The following CEP83 variants were observed in gnomAD, a reference collection of about 807,000 sequenced individuals.
The protein encoded by CEP83 is centrosomal protein 83, also known as centrosomal protein of 83 kDa.
In CEP83, 70 loss-of-function variants were observed where a neutral mutation model predicts 101.9. That is an observed-to-expected ratio of 0.69 (90% CI 0.57 to 0.84). The LOEUF (loss-of-function observed/expected upper bound fraction) is 0.84, where lower values mean the gene tolerates loss of function less well. CEP83 is among the 40% of genes least tolerant of loss of function. The pLI is 0.00. For synonymous variants in CEP83, 264 were observed against 267.9 expected, an observed-to-expected ratio of 0.99 and a Z score of 0.14; for missense variants, 715 against 787.2, an observed-to-expected ratio of 0.91 and a Z score of 1.10.
At chr12:94,358,531 G>A (rs929043895) in intron 11 of CEP83, among the ~76,000 whole-genome samples, 2 of 152,168 alleles carry the variant, frequency 1.3e-5, no homozygotes, top group African/African-American at 4.8e-5. Flanking sequence ...GAAACTGGAG[G>A]CTTTAGAGAA....
rs76246188 is a variant in CEP83 at position 94,401,926 on chromosome 12, A to G, written c.418-945T>C. On this transcript the variant is annotated intron_variant, in intron 5 of 16. Coordinates refer to ENST00000397809, the MANE Select transcript of CEP83 (RefSeq NM_016122.3). ...GTAAGCCATTATAAAAGACGATTCTACAACTGTTTTGGGCAATTACCGCAT... is the reference window on the plus strand; with the variant it reads ...GTAAGCCATTATAAAAGACGATTCTGCAACTGTTTTGGGCAATTACCGCAT... Among the ~76,000 whole-genome samples the G allele has an allele frequency of 8.0e-3, 1,221 of 152,298 alleles. 14 individuals are homozygous for G. Among genetic ancestry groups the G allele is most frequent in the African/African-American group, 0.027 (1,141 of 41,568 alleles).
chr12:94,287,837 C>A, the CEP83 span, among the ~76,000 whole-genome samples: 1 of 152,296 alleles, frequency 6.6e-6, no homozygotes, highest in South Asian at 2.1e-4. Context: ...ACGTATAATG[C>A]TTCTTGTGTA....
chr12:94,444,333 G>A (rs548692999), intron 1 of CEP83, among the ~76,000 whole-genome samples: 2 of 152,290 alleles, frequency 1.3e-5, no homozygotes, highest in South Asian at 4.2e-4. Flanking sequence ...GGGATGCAGA[G>A]GTTCCAGTGA....
chr12:94,450,607 A>C (rs1469987026), intron 1 of CEP83, among the ~76,000 whole-genome samples: 1 of 152,208 alleles, frequency 6.6e-6, no homozygotes, highest in Non-Finnish European at 1.5e-5. Flanking sequence ...TGAAAACTCC[A>C]TTTCCAAGAG....
Position 94,333,045 on chromosome 12 carries a change from CAAAAAAAAAA to C in CEP83, c.1577+427_1577+436del, listed in dbSNP as rs34900007. ...GTCTACTAGTAACAAATTTTAAGACCAAAAAAAAAAAAAAAAAAAACAAATAAATTAGCTT... is the reference window on the plus strand; with the variant it reads ...GTCTACTAGTAACAAATTTTAAGACCAAAAAAAAAACAAATAAATTAGCTT... On this transcript the variant is annotated intron_variant, in intron 13 of 16. Transcript: ENST00000397809. Among the ~76,000 whole-genome samples the C allele has an allele frequency of 1.1e-3, 81 of 73,172 alleles. 1 individual carries two copies. The South Asian group carries it at 0.023, about 20-fold the overall frequency. The allele number at this position is 73,172 out of a possible 152,430, so 48.0% of individuals were successfully genotyped here.
At chr12:94,348,955 G>C (rs182368350) in intron 11 of CEP83, among the ~76,000 whole-genome samples, 3 of 148,210 alleles carry the variant, frequency 2.0e-5, no homozygotes, top group Admixed American at 6.9e-5. Flanking sequence ...CAGGGAAAAT[G>C]CTTCCACAAC....
chr12:94,322,927 A>G (rs982257451), intron 14 of CEP83, among the ~76,000 whole-genome samples: 1 of 152,180 alleles, frequency 6.6e-6, no homozygotes. Context: ...TCCCCCACCC[A>G]TTGAAAAGCA....
At chr12:94,277,332 A>G in the CEP83 span, 98,367 of 152,646 alleles carry the variant, frequency 0.64, 31,803 homozygotes, top group African/African-American at 0.7. Context: ...CTTGGGGGTT[A>G]GGATTTCAAT....
At chr12:94,437,020 C>T (rs1187293451) in intron 1 of CEP83, among the ~76,000 whole-genome samples, 1 of 151,756 alleles carries the variant, frequency 6.6e-6, no homozygotes, top group Non-Finnish European at 1.5e-5. Flanking sequence ...GGAAAACTTC[C>T]CCGGTTTTGA....
At chr12:94,453,118 T>C (rs971334796) in intron 1 of CEP83, among the ~76,000 whole-genome samples, 4 of 152,208 alleles carry the variant, frequency 2.6e-5, no homozygotes, top group Admixed American at 2.6e-4. Context: ...GTGCATTCTT[T>C]CTTTGGTTTC....
At chr12:94,401,596 A>C (rs1307402983) in intron 5 of CEP83, among the ~76,000 whole-genome samples, 2 of 152,174 alleles carry the variant, frequency 1.3e-5, no homozygotes, top group East Asian at 1.9e-4. Flanking sequence ...AACTCAGGCC[A>C]CAAAGCAGAA....
chr12:94,297,270 G>T, the CEP83 span: 1 of 1,613,174 alleles, frequency 6.2e-7, no homozygotes, highest in African/African-American at 1.3e-5. Context: ...GCCTTCTGTA[G>T]CAAGAGTGGT....
Position 94,424,827 on chromosome 12 carries a change from T to G in CEP83, c.-102+10448A>C. The G allele has an allele frequency of 1.9e-6, 3 of 1,600,186 alleles. No individual in the cohort carries two copies. In the South Asian group the frequency reaches 3.3e-5, roughly 18 times the overall value. ...GTTTTGCTCAGCTGGTCATTTCCAT[T>G]GCTTCCACTACTGCTGTTAGGTGTA... is the stretch of plus-strand genomic sequence containing the variant. On this transcript the variant is annotated intron_variant, in intron 2 of 16. Coordinates refer to ENST00000397809, the MANE Select transcript of CEP83 (RefSeq NM_016122.3).
At position 94,324,978 on chromosome 12, in the gene CEP83, T is replaced by C. The variant is rs1490359371; in HGVS notation, c.1707+6722A>G. The stretch of plus-strand genomic sequence containing the variant: ...TTCTATTCTAGCTCCCTGGGCCTCC[T>C]GTGTTCCCTCAACATACCAAGCAGA... On this transcript the variant is annotated intron_variant, in intron 14 of 16. Coordinates refer to ENST00000397809, the MANE Select transcript of CEP83 (RefSeq NM_016122.3). 2.0e-5 allele frequency among the ~76,000 whole-genome samples: 3 copies of C among 152,212 alleles called. No homozygotes were observed. The East Asian group carries it at 5.8e-4, about 29-fold the overall frequency.
intron 6 of CEP83, among the ~76,000 whole-genome samples, chr12:94,381,042 CA>C (rs1341667922): frequency 6.6e-6 from 1 of 152,150 alleles, no homozygotes; most frequent in Non-Finnish European, 1.5e-5. Context: ...ATTCAGGCAA[CA>C]AATATTTACT....
chr12:94,401,292 A>G (rs928719937), intron 5 of CEP83: 11 of 156,594 alleles, frequency 7.0e-5, no homozygotes, highest in African/African-American at 2.7e-4. Flanking sequence ...CTTAAATAAA[A>G]TAACATGTAA....
chr12:94,386,200 T>C (rs912583879), intron 6 of CEP83, among the ~76,000 whole-genome samples: 1 of 152,228 alleles, frequency 6.6e-6, no homozygotes, highest in Non-Finnish European at 1.5e-5. Context: ...CTTTAGTCTA[T>C]GGCTAATTTG....
chr12:94,383,147 T>G (rs2061944110), intron 6 of CEP83, among the ~76,000 whole-genome samples: 1 of 152,068 alleles, frequency 6.6e-6, no homozygotes, highest in Admixed American at 6.6e-5. Context: ...TTTGTTATTT[T>G]CCTTTGCCCT....
intron 2 of CEP83, among the ~76,000 whole-genome samples, chr12:94,420,768 A>G (rs2064674900): frequency 6.6e-6 from 1 of 152,212 alleles, no homozygotes; most frequent in Admixed American, 6.5e-5. Context: ...CCAAACATAA[A>G]AGAATATACA....
Sources: allele counts gnomAD v4.1 joint callset (sites outside exome capture counted in the v4.1 genomes callset), GRCh38; gene constraint gnomAD v4.1.1; transcripts MANE v1.5; gene names NCBI Gene and HGNC (gene_info 2026-07-23, HGNC 2026-07-21).